Variants in NUDT4 observed in about 807,000 individuals in gnomAD.
NUDT4 encodes the protein diphosphoinositol polyphosphate phosphohydrolase 2.
A neutral mutation model predicts 23.1 loss-of-function variants in NUDT4; 5 were observed. The observed-to-expected ratio is 0.22, with a 90% confidence interval of 0.11 to 0.46. NUDT4 has a LOEUF of 0.46. Ranked by LOEUF, NUDT4 falls within the 20% of genes least tolerant of loss-of-function variation. The pLI is 0.99. For missense variants in NUDT4, 96 were observed against 211.6 expected, an observed-to-expected ratio of 0.45 and a Z score of 3.39; for synonymous variants, 50 against 79.0, an observed-to-expected ratio of 0.63 and a Z score of 1.95.
intron 1 of NUDT4, among the ~76,000 whole-genome samples, chr12:93,379,592 G>T (rs906986472): frequency 4.0e-5 from 6 of 149,276 alleles, no homozygotes; most frequent in East Asian, 2.0e-4. Context: ...ATTTTTTTTT[G>T]AAAAGAAACC....
At position 93,402,307 on chromosome 12, in the gene NUDT4, C is replaced by T. The variant is rs1044209669; in HGVS notation, c.*2928C>T. The T allele has an allele frequency of 1.3e-5, 2 of 151,726 alleles. No individual in the cohort carries two copies. Among genetic ancestry groups the T allele is most frequent in the Non-Finnish European group, 2.9e-5 (2 of 67,962 alleles). The allele number at this position is 151,726 out of a possible 1,614,324, so 9.4% of individuals were successfully genotyped here. A position where few individuals can be genotyped will look rare whatever the true frequency, so the allele number is the denominator to read the frequency against. ...GCTTTAAAAAAAAAACAAAAACACA[C>T]ACACATGAACTCAGATTTGCAAACC... On this transcript the variant is annotated 3_prime_UTR_variant, in exon 5 of 5. Transcript: ENST00000415493.
rs1877215230 is a variant in NUDT4 at position 93,399,472 on chromosome 12, C to T, written c.*93C>T. On this transcript the variant is annotated 3_prime_UTR_variant, in exon 5 of 5. Coordinates refer to ENST00000415493, the MANE Select transcript of NUDT4 (RefSeq NM_019094.6). ...CAAACATCTGATTGACGCTTGCAAACTGTCTGAATTTGCCATGCAAGGTTT... is the reference window on the plus strand; with the variant it reads ...CAAACATCTGATTGACGCTTGCAAATTGTCTGAATTTGCCATGCAAGGTTT... The T allele has an allele frequency of 2.2e-6, 1 of 461,190 alleles. No individual in the cohort carries two copies. The highest frequency in any genetic ancestry group is 3.1e-5 in the East Asian group (1 of 31,966). The allele number at this position is 461,190 out of a possible 1,614,324, so 28.6% of individuals were successfully genotyped here. A position where few individuals can be genotyped will look rare whatever the true frequency, so the allele number is the denominator to read the frequency against.
chr12:93,383,080 T>TTG (rs1875804983), intron 1 of NUDT4, among the ~76,000 whole-genome samples: 1 of 151,778 alleles, frequency 6.6e-6, no homozygotes, highest in African/African-American at 2.4e-5. Flanking sequence ...TTGGATTTTT[T>TTG]TTTTTTTTCT....
Position 93,403,354 on chromosome 12 carries a change from TGTCG to T in NUDT4, c.*3976_*3979del, listed in dbSNP as rs1473842164. ...GTTTTTTTGAGACAGCATCTCACAC[TGTCG>T]CCCAGGCTGGAGTGCAGTGGTGCAA... On this transcript the variant is annotated 3_prime_UTR_variant, in exon 5 of 5. Transcript: ENST00000415493. 1 of 152,236 alleles carries T rather than the reference TGTCG, an allele frequency of 6.6e-6. No individual in the cohort carries two copies. The highest frequency in any genetic ancestry group is 1.5e-5 in the Non-Finnish European group (1 of 68,076). The allele number at this position is 152,236 out of a possible 1,614,324, so 9.4% of individuals were successfully genotyped here. A position where few individuals can be genotyped will look rare whatever the true frequency, so the allele number is the denominator to read the frequency against.
Position 93,403,279 on chromosome 12 carries a change from T to TG in NUDT4, c.*3904dup, listed in dbSNP as rs1877603277. ...TAATCTCAAAGAGCTTATATTCTAG[T>TG]GGGGTAGAGATAAGTGATTTATCTT... On this transcript the variant is annotated 3_prime_UTR_variant, in exon 5 of 5. Transcript: ENST00000415493. 1 of 152,144 alleles carries TG rather than the reference T, an allele frequency of 6.6e-6. No individual in the cohort carries two copies. Among genetic ancestry groups the TG allele is most frequent in the Non-Finnish European group, 1.5e-5 (1 of 68,018 alleles). The allele number at this position is 152,144 out of a possible 1,614,324, so 9.4% of individuals were successfully genotyped here.
rs1877215439 is a variant in NUDT4, at chr12:93,399,474, G to C, written c.*95G>C. 1 of 454,118 alleles carries C rather than the reference G, an allele frequency of 2.2e-6. No homozygotes were observed. The allele number at this position is 454,118 out of a possible 1,614,324, so 28.1% of individuals were successfully genotyped here. A position where few individuals can be genotyped will look rare whatever the true frequency, so the allele number is the denominator to read the frequency against. On this transcript the variant is annotated 3_prime_UTR_variant, in exon 5 of 5. Transcript: ENST00000415493. ...AACATCTGATTGACGCTTGCAAACT[G>C]TCTGAATTTGCCATGCAAGGTTTTC...
At chr12:93,397,305 T>G (rs1035020237) in intron 3 of NUDT4, among the ~76,000 whole-genome samples, 6 of 152,148 alleles carry the variant, frequency 3.9e-5, no homozygotes, top group African/African-American at 1.4e-4. Context: ...TGCCTCTAAT[T>G]TATTGTTGTT....
Position 93,398,355 on chromosome 12 carries a change from AAAAAGAAAAG to A in NUDT4, c.256-413_256-404del, listed in dbSNP as rs1168607631. Reference sequence around the variant, plus strand: ...CCCTGTCTCAAAAAAAAAAAAAAAAAAAAAGAAAAGAACATCAGATATATAGAAATAAGTG... The same window carrying A: ...CCCTGTCTCAAAAAAAAAAAAAAAAAAACATCAGATATATAGAAATAAGTG... On this transcript the variant is annotated intron_variant, in intron 3 of 4. Transcript: ENST00000415493. 2.6e-3 allele frequency among the ~76,000 whole-genome samples: 386 copies of A among 150,698 alleles called. 1 individual carries two copies. The highest frequency in any genetic ancestry group is 7.2e-3 in the African/African-American group (293 of 40,554).
At chr12:93,395,801 A>G (rs917277828) in intron 3 of NUDT4, among the ~76,000 whole-genome samples, 2 of 152,010 alleles carry the variant, frequency 1.3e-5, no homozygotes, top group Admixed American at 6.6e-5. Flanking sequence ...GCTTACTACA[A>G]CCTCTGCCTC....
rs528287974 is a variant in NUDT4 at position 93,403,243 on chromosome 12, A to T, written c.*3864A>T. 6.6e-6 allele frequency: 1 copy of T among 152,310 alleles called. No individual in the cohort carries two copies. Among genetic ancestry groups the T allele is most frequent in the East Asian group, 1.9e-4 (1 of 5,186 alleles). 9.4% of individuals were successfully genotyped at this position (152,310 alleles called of 1,614,324 possible). ...GCCTAGTATTTGTGATAAGAGCACA[A>T]AACAATTTTCTAATCTCAAAGAGCT... On this transcript the variant is annotated 3_prime_UTR_variant, in exon 5 of 5. Transcript: ENST00000415493.
intron 1 of NUDT4, among the ~76,000 whole-genome samples, chr12:93,386,145 T>G (rs114498238): frequency 0.03 from 4,481 of 151,744 alleles, 110 homozygotes; most frequent in African/African-American, 0.069. Context: ...CTGGCTAATT[T>G]ATTGAGTTTT....
chr12:93,378,839 C>A, intron 1 of NUDT4: 1 of 959,162 alleles, frequency 1.0e-6, no homozygotes, highest in Non-Finnish European at 1.2e-6. Context: ...ATTTTCCTTC[C>A]ATGTTACAGC....
At chr12:93,386,113 C>G (rs1876075672) in intron 1 of NUDT4, among the ~76,000 whole-genome samples, 1 of 151,678 alleles carries the variant, frequency 6.6e-6, no homozygotes, top group Admixed American at 6.6e-5. Flanking sequence ...GTAGCTTGGA[C>G]TACAGGTACA....
intron 1 of NUDT4, 116 bp downstream of exon 1, chr12:93,378,537 T>TCCTC (rs1237182764): frequency 5.0e-5 from 65 of 1,293,278 alleles, no homozygotes; most frequent in Non-Finnish European, 6.0e-5. Context: ...TTAGCCCCCT[T>TCCTC]CCTCCCTCCC....
rs970477834 is a variant in NUDT4, at chr12:93,407,008, T to C, written c.*7629T>C. On this transcript the variant is annotated 3_prime_UTR_variant, in exon 5 of 5. Coordinates refer to ENST00000415493, the MANE Select transcript of NUDT4 (RefSeq NM_019094.6). ...ACCTCAAGATTTTAGAAAAGCCTCT[T>C]AACGGGCAATTTTCTTTTAAATAAA... The C allele has an allele frequency of 2.0e-5, 3 of 152,206 alleles. No individual in the cohort carries two copies. Among genetic ancestry groups the C allele is most frequent in the Non-Finnish European group, 4.4e-5 (3 of 68,040 alleles). The allele number at this position is 152,206 out of a possible 1,614,324, so 9.4% of individuals were successfully genotyped here. A position where few individuals can be genotyped will look rare whatever the true frequency, so the allele number is the denominator to read the frequency against.
At chr12:93,383,200 A>C (rs10859490) in intron 1 of NUDT4, among the ~76,000 whole-genome samples, 72,850 of 151,884 alleles carry the variant, frequency 0.48, 18,081 homozygotes, top group African/African-American at 0.61. Flanking sequence ...CCTGATTTAC[A>C]ACATTATTGA....
intron 1 of NUDT4, among the ~76,000 whole-genome samples, chr12:93,390,447 ATT>A (rs972817722): frequency 6.6e-6 from 1 of 152,194 alleles, no homozygotes. Context: ...TAAGCCTCCA[ATT>A]TTGAATAAAA....
At position 93,378,411 on chromosome 12, in the gene NUDT4, A is replaced by G. The variant is rs1429958984; in HGVS notation, c.89A>G (p.Gln30Arg). ...RAACLCFRSE[Q>R]EDEVLLVSSS... is the part of the protein sequence containing the mutation. ...GCGTGCCTGTGCTTCCGGAGCGAGCAGGAGGACGAGGTAGGGCGCCCGGCG... is the reference window on the plus strand; with the variant it reads ...GCGTGCCTGTGCTTCCGGAGCGAGCGGGAGGACGAGGTAGGGCGCCCGGCG... The change falls in exon 1 of 5, where the codon CAG becomes CGG. Residue 30 changes from glutamine to arginine, a missense_variant. Gln to Arg is a conservative substitution (Grantham distance 43). Coordinates refer to ENST00000415493, the MANE Select transcript of NUDT4 (RefSeq NM_019094.6). The G allele has an allele frequency of 1.3e-6, 2 of 1,554,308 alleles. No individual in the cohort carries two copies. The highest frequency in any genetic ancestry group is 1.7e-6 in the Non-Finnish European group (2 of 1,149,788).
intron 1 of NUDT4, among the ~76,000 whole-genome samples, chr12:93,382,150 G>A (rs549964760): frequency 4.3e-4 from 66 of 151,924 alleles, no homozygotes; most frequent in Non-Finnish European, 8.4e-4. Flanking sequence ...TGTAATCCCA[G>A]CTACTCAGGA....
Sources: allele counts gnomAD v4.1 joint callset (sites outside exome capture counted in the v4.1 genomes callset), GRCh38; gene constraint gnomAD v4.1.1; transcripts MANE v1.5; gene names NCBI Gene and HGNC (gene_info 2026-07-23, HGNC 2026-07-21).